DMD: variants seen among roughly 807,000 people sequenced by gnomAD.
DMD encodes mutant dystrophin.
Under a neutral mutation model 330.1 loss-of-function variants are expected in DMD, and 63 were observed. The ratio of observed to expected loss-of-function variants is 0.19; its 90% CI spans 0.16 to 0.24. The LOEUF is 0.24. Among genes scored for constraint, DMD ranks in the 10% least tolerant of loss-of-function variants. The probability of loss-of-function intolerance (pLI) is 1.00; values close to 1 mark genes in which losing one functional copy is unlikely to be tolerated. For missense variants in DMD, 3,344 were observed against 2,684.1 expected, an observed-to-expected ratio of 1.25 and a Z score of -5.43; for synonymous variants, 1,223 against 959.8, an observed-to-expected ratio of 1.27 and a Z score of -5.07.
At chrX:32,244,755 T>C (rs2097225440) in intron 43 of DMD, among the ~76,000 whole-genome samples, 1 of 87,567 alleles carries the variant, frequency 1.1e-5, no homozygotes, top group Admixed American at 1.5e-4. Context: ...TGCATAAATG[T>C]CTTCTTTTGA....
chrX:31,241,207 C>T (rs1188793951), intron 63 of DMD, among the ~76,000 whole-genome samples: 1 of 111,696 alleles, frequency 9.0e-6, no homozygotes, highest in African/African-American at 3.3e-5. Context: ...AGTATTTCCT[C>T]TTCAAAATGC....
chrX:31,312,839 A>G (rs778033680), intron 62 of DMD, among the ~76,000 whole-genome samples: 30 of 111,738 alleles, frequency 2.7e-4, no homozygotes, highest in African/African-American at 9.4e-4. Flanking sequence ...CATCCTCAGC[A>G]AACTAACACA....
At chrX:31,147,018 G>A (rs907444733) in intron 75 of DMD, among the ~76,000 whole-genome samples, 7 of 111,506 alleles carry the variant, frequency 6.3e-5, no homozygotes, top group African/African-American at 2.3e-4. Context: ...ACCTTTAGGC[G>A]TTTTTTTCCC....
At chrX:31,540,362 A>C (rs1457796274) in intron 55 of DMD, among the ~76,000 whole-genome samples, 4 of 112,379 alleles carry the variant, frequency 3.6e-5, no homozygotes, top group African/African-American at 1.3e-4. Flanking sequence ...TTGGAAAGTC[A>C]GAAGTACCTT....
chrX:32,199,193 T>C (rs1289877159), intron 44 of DMD, among the ~76,000 whole-genome samples: 1 of 111,867 alleles, frequency 8.9e-6, no homozygotes, highest in Non-Finnish European at 1.9e-5. Flanking sequence ...ATGGCCAAGA[T>C]ACCTACTATA....
intron 57 of DMD, among the ~76,000 whole-genome samples, chrX:31,483,229 G>T (rs2068500385): frequency 9.3e-6 from 1 of 108,060 alleles, no homozygotes; most frequent in Non-Finnish European, 1.9e-5. Context: ...TGTATTTTTA[G>T]TAGAGACGGG....
At chrX:32,381,332 G>A in intron 33 of DMD, among the ~76,000 whole-genome samples, 1 of 111,252 alleles carries the variant, frequency 9.0e-6, no homozygotes, top group Non-Finnish European at 1.9e-5. Context: ...CTAATTACTT[G>A]ATCCTGTGCT....
At chrX:31,233,489 T>C (rs938794936) in intron 63 of DMD, among the ~76,000 whole-genome samples, 1 of 88,591 alleles carries the variant, frequency 1.1e-5, no homozygotes, top group East Asian at 3.5e-4. Flanking sequence ...ATTCACAGAT[T>C]TTTTTTTTTA....
intron 11 of DMD, among the ~76,000 whole-genome samples, chrX:32,630,821 A>G (rs935231371): frequency 8.9e-6 from 1 of 111,960 alleles, no homozygotes; most frequent in African/African-American, 3.2e-5. Context: ...AAGATTGGTC[A>G]GCGATGCCTT....
chrX:31,267,267 T>A (rs568913317), intron 62 of DMD, among the ~76,000 whole-genome samples: 128 of 111,736 alleles, frequency 1.1e-3, no homozygotes, highest in South Asian at 5.7e-3. Flanking sequence ...TCATCCCAGA[T>A]AATTAAGAGT....
At chrX:31,331,447 G>GA (rs989221432) in intron 61 of DMD, among the ~76,000 whole-genome samples, 1 of 106,865 alleles carries the variant, frequency 9.4e-6, no homozygotes, top group African/African-American at 3.4e-5. Context: ...AAAAAAAAAA[G>GA]AAAAAAAAGC....
chrX:32,997,249 T>TC, intron 2 of DMD, among the ~76,000 whole-genome samples: 1 of 93,025 alleles, frequency 1.1e-5, no homozygotes, highest in East Asian at 4.5e-4. Flanking sequence ...CCTCCCGCCA[T>TC]TTTTTTTTTT....
rs1342178413 is a variant in DMD, at chrX:32,227,020, C to A, written c.6291-9957G>T. Among the ~76,000 whole-genome samples, 4 of 107,305 alleles carry A rather than the reference C, an allele frequency of 3.7e-5. No homozygotes were observed. The Admixed American group carries it at 4.1e-4, about 11-fold the overall frequency. The allele number at this position is 107,305 out of a possible 115,157, so 93.2% of individuals were successfully genotyped here. On this transcript the variant is annotated intron_variant, in intron 43 of 78. Transcript: ENST00000357033. ...TACACTTTGCACAAATTTACTGAGA[C>A]CTAATTTAAATATGAGGATGCACAT...
At chrX:32,351,233 T>TC (rs1352754849) in intron 37 of DMD, among the ~76,000 whole-genome samples, 1 of 110,855 alleles carries the variant, frequency 9.0e-6, no homozygotes, top group East Asian at 2.8e-4. Flanking sequence ...ATCCTAATCA[T>TC]CCATTGGCTC....
intron 76 of DMD, 141 bp from the exon 77 acceptor site, chrX:31,134,335 T>G: frequency 4.1e-6 from 2 of 483,903 alleles, no homozygotes; most frequent in Non-Finnish European, 6.9e-6. Flanking sequence ...AGCTTAATAA[T>G]GAGGAAGTAA....
chrX:31,578,118 T>C (rs2076188252), intron 55 of DMD, among the ~76,000 whole-genome samples: 1 of 111,642 alleles, frequency 9.0e-6, no homozygotes, highest in Admixed American at 9.5e-5. Context: ...GTGCTAGTCA[T>C]TGAGTTTTAA....
intron 60 of DMD, among the ~76,000 whole-genome samples, chrX:31,351,570 A>G (rs2058414516): frequency 9.2e-6 from 1 of 108,907 alleles, no homozygotes; most frequent in Non-Finnish European, 1.9e-5. Context: ...TACTAAAAAT[A>G]CAAAAATTAG....
intron 44 of DMD, among the ~76,000 whole-genome samples, chrX:31,991,311 A>C (rs1260698532): frequency 9.0e-6 from 1 of 111,670 alleles, no homozygotes; most frequent in Non-Finnish European, 1.9e-5. Context: ...ACAAATGGAA[A>C]GGAAAGCAGG....
rs1265080924 is a variant in DMD, at chrX:32,463,611, A to T, written c.3277-17T>A. 7 of 1,114,155 alleles carry T rather than the reference A, an allele frequency of 6.3e-6. No individual in the cohort carries two copies. In the Admixed American group the frequency reaches 2.0e-4, roughly 32 times the overall value. The allele number at this position is 1,114,155 out of a possible 1,213,427, so 91.8% of individuals were successfully genotyped here. ...GACTAAAAGCTAAGAAAATAAATCAATTTAAGCCAGCTGAAAAAAATTACT... is the reference window on the plus strand; with the variant it reads ...GACTAAAAGCTAAGAAAATAAATCATTTTAAGCCAGCTGAAAAAAATTACT... On this transcript the variant is annotated splice_polypyrimidine_tract_variant and intron_variant, in intron 24 of 78. Transcript: ENST00000357033.
Sources: allele counts gnomAD v4.1 joint callset (sites outside exome capture counted in the v4.1 genomes callset), GRCh38; gene constraint gnomAD v4.1.1; transcripts MANE v1.5; gene names NCBI Gene and HGNC (gene_info 2026-07-23, HGNC 2026-07-21).